PDE1A: variants seen among roughly 807,000 people sequenced by gnomAD.
PDE1A encodes the protein phosphodiesterase 1A, also known as dual specificity calcium/calmodulin-dependent 3',5'-cyclic nucleotide phosphodiesterase 1A.
Under a neutral mutation model 61.7 loss-of-function variants are expected in PDE1A, and 35 were observed. The ratio of observed to expected loss-of-function variants is 0.57; its 90% CI spans 0.43 to 0.75. The LOEUF is 0.75. Among genes scored for constraint, PDE1A ranks in the 30% least tolerant of loss-of-function variants. The probability of loss-of-function intolerance (pLI) is 0.00; values close to 1 mark genes in which losing one functional copy is unlikely to be tolerated. For missense variants in PDE1A, 597 were observed against 630.6 expected, an observed-to-expected ratio of 0.95 and a Z score of 0.57; for synonymous variants, 232 against 213.2, an observed-to-expected ratio of 1.09 and a Z score of -0.77.
At chr2:182,392,009 T>TC (rs2125394341) in intron 1 of PDE1A, among the ~76,000 whole-genome samples, 1 of 152,176 alleles carries the variant, frequency 6.6e-6, no homozygotes, top group Non-Finnish European at 1.5e-5. Context: ...AGAGGTCAGG[T>TC]CCCGTTGAGG....
upstream of PDE1A, among the ~76,000 whole-genome samples, chr2:182,525,444 T>C (rs1690764104): frequency 6.6e-6 from 1 of 152,168 alleles, no homozygotes; most frequent in Non-Finnish European, 1.5e-5. Flanking sequence ...GCTGATGTAG[T>C]TTGGATCTGT....
intron 1 of PDE1A, among the ~76,000 whole-genome samples, chr2:182,282,184 T>G (rs989206064): frequency 9.9e-5 from 15 of 151,950 alleles, no homozygotes; most frequent in Admixed American, 2.0e-4. Context: ...ACTATTCCAC[T>G]CACTTATCCT....
chr2:182,365,655 G>C (rs1699795164), intron 1 of PDE1A, among the ~76,000 whole-genome samples: 1 of 151,712 alleles, frequency 6.6e-6, no homozygotes, highest in African/African-American at 2.4e-5. Flanking sequence ...TCTCTTACCA[G>C]TGTCTTGGGC....
At chr2:182,431,614 C>G (rs1703955353), upstream of PDE1A, among the ~76,000 whole-genome samples, 1 of 152,136 alleles carries the variant, frequency 6.6e-6, no homozygotes. Flanking sequence ...TCACAACTCT[C>G]AGCATTTTGT....
At chr2:182,242,943 G>GTGTGTGTGTGTGTGTGTT (rs71008214) in intron 2 of PDE1A, among the ~76,000 whole-genome samples, 25,159 of 136,526 alleles carry the variant, frequency 0.18, 2,889 homozygotes, top group East Asian at 0.31. Flanking sequence ...GTATGTGTGT[G>GTGTGTGTGTGTGTGTGTT]TGTGTGTTGT....
intron 1 of PDE1A, among the ~76,000 whole-genome samples, chr2:182,373,551 C>A (rs1427127129): frequency 6.6e-6 from 1 of 152,156 alleles, no homozygotes; most frequent in African/African-American, 2.4e-5. Flanking sequence ...AGTTCTCACA[C>A]AGCTGAAACA....
At chr2:182,442,376 G>T (rs999397014) in intron 2 of PDE1A, among the ~76,000 whole-genome samples, 2 of 151,948 alleles carry the variant, frequency 1.3e-5, no homozygotes, top group African/African-American at 4.8e-5. Context: ...ACAACTAAAT[G>T]CAATGTATCA....
Position 182,227,370 on chromosome 2 carries a change from G to T in PDE1A, c.675+2636C>A, listed in dbSNP as rs185577061. On this transcript the variant is annotated intron_variant, in intron 6 of 13. Transcript: ENST00000351439. ...AAGTATGTATGTGTATTATATAAAG[G>T]GTGGGGAGAATTTCAAGTCAGAAAA... Among the ~76,000 whole-genome samples, 11 of 152,004 alleles carry T rather than the reference G, an allele frequency of 7.2e-5. No individual in the cohort carries two copies. In the South Asian group the frequency reaches 2.3e-3, roughly 32 times the overall value.
At chr2:182,596,679 CTGGATGGATGGA>C in the PDE1A span, among the ~76,000 whole-genome samples, 856 of 149,104 alleles carry the variant, frequency 5.7e-3, 1 homozygote, top group Admixed American at 9.8e-3. Context: ...GAATAATAAA[CTGGATGGATGGA>C]TGGATGGATG....
chr2:182,296,526 C>A (rs1016190948), intron 1 of PDE1A, among the ~76,000 whole-genome samples: 1 of 152,104 alleles, frequency 6.6e-6, no homozygotes, highest in Non-Finnish European at 1.5e-5. Flanking sequence ...AGATATAGAC[C>A]TTTCCCTAAG....
At chr2:182,203,595 G>T (rs569921972) in intron 8 of PDE1A, among the ~76,000 whole-genome samples, 2 of 152,084 alleles carry the variant, frequency 1.3e-5, no homozygotes, top group Admixed American at 6.6e-5. Context: ...GAAATCAATA[G>T]AATCTAATAA....
At chr2:182,564,835 T>C in the PDE1A span, among the ~76,000 whole-genome samples, 1 of 152,224 alleles carries the variant, frequency 6.6e-6, no homozygotes, top group Non-Finnish European at 1.5e-5. Flanking sequence ...TTTCTTCCAG[T>C]TGATCGCATC....
the PDE1A span, among the ~76,000 whole-genome samples, chr2:182,552,014 G>A: frequency 6.6e-6 from 1 of 152,130 alleles, no homozygotes; most frequent in Non-Finnish European, 1.5e-5. Context: ...GATCTAGAAT[G>A]TGGCCACTTT....
At chr2:182,464,973 G>C (rs556872648) in intron 2 of PDE1A, among the ~76,000 whole-genome samples, 2 of 152,186 alleles carry the variant, frequency 1.3e-5, no homozygotes, top group South Asian at 4.1e-4. Flanking sequence ...TGAAGAGTGA[G>C]ACTTAAAGAC....
chr2:182,499,940 C>T (rs1304117834), intron 2 of PDE1A, among the ~76,000 whole-genome samples: 1 of 152,128 alleles, frequency 6.6e-6, no homozygotes, highest in African/African-American at 2.4e-5. Context: ...GCTGTGTCTC[C>T]AGCTTTAGCG....
chr2:182,710,964 T>G, the PDE1A span, among the ~76,000 whole-genome samples: 1 of 152,228 alleles, frequency 6.6e-6, no homozygotes, highest in Non-Finnish European at 1.5e-5. Context: ...CTCCAACATA[T>G]TCCTCAAACT....
At chr2:182,669,746 C>T in the PDE1A span, among the ~76,000 whole-genome samples, 1 of 152,228 alleles carries the variant, frequency 6.6e-6, no homozygotes, top group African/African-American at 2.4e-5. Flanking sequence ...TCCTTTGAAT[C>T]CACCTTTTAC....
intron 2 of PDE1A, among the ~76,000 whole-genome samples, chr2:182,452,591 T>C (rs780472891): frequency 3.3e-5 from 5 of 152,128 alleles, no homozygotes; most frequent in Non-Finnish European, 5.9e-5. Context: ...TTCTGCTCAG[T>C]GAACAATGCC....
chr2:182,354,816 A>C (rs1699083791), intron 1 of PDE1A, among the ~76,000 whole-genome samples: 1 of 152,194 alleles, frequency 6.6e-6, no homozygotes, highest in African/African-American at 2.4e-5. Context: ...AGAACGCTGG[A>C]ACCTTAGACC....
Sources: allele counts gnomAD v4.1 joint callset (sites outside exome capture counted in the v4.1 genomes callset), GRCh38; gene constraint gnomAD v4.1.1; transcripts MANE v1.5; gene names NCBI Gene and HGNC (gene_info 2026-07-23, HGNC 2026-07-21).